The following GRID2 variants were observed in gnomAD, a reference collection of about 807,000 sequenced individuals.
GRID2 encodes the protein glutamate receptor ionotropic, delta-2.
A neutral mutation model predicts 114.8 loss-of-function variants in GRID2; 33 were observed. That is an observed-to-expected ratio of 0.29 (90% CI 0.22 to 0.38). The LOEUF (loss-of-function observed/expected upper bound fraction) is 0.38. Among genes scored for constraint, GRID2 ranks in the 10% least tolerant of loss-of-function variants. The pLI is 1.00. For missense variants in GRID2, 1,184 were observed against 1,257.7 expected, an observed-to-expected ratio of 0.94 and a Z score of 0.89; for synonymous variants, 505 against 449.9, an observed-to-expected ratio of 1.12 and a Z score of -1.55.
intron 2 of GRID2, among the ~76,000 whole-genome samples, chr4:92,812,547 A>C (rs563099303): frequency 6.6e-6 from 1 of 152,218 alleles, no homozygotes; most frequent in South Asian, 2.1e-4. Flanking sequence ...TGTGATTTTA[A>C]ATGTAGTATT....
At chr4:93,629,450 C>T (rs1389869371) in intron 14 of GRID2, among the ~76,000 whole-genome samples, 1 of 152,158 alleles carries the variant, frequency 6.6e-6, no homozygotes, top group Non-Finnish European at 1.5e-5. Flanking sequence ...TAATTTATCA[C>T]CCAAAACCTC....
At chr4:93,043,583 A>C (rs1269170716) in intron 2 of GRID2, among the ~76,000 whole-genome samples, 1 of 152,192 alleles carries the variant, frequency 6.6e-6, no homozygotes, top group Non-Finnish European at 1.5e-5. Context: ...GGTTCACAGA[A>C]CACATAGGTT....
chr4:93,347,927 A>G (rs552021520), intron 8 of GRID2, among the ~76,000 whole-genome samples: 1 of 152,244 alleles, frequency 6.6e-6, no homozygotes, highest in South Asian at 2.1e-4. Context: ...GAAATTTTCT[A>G]ATATCTGTGT....
chr4:92,913,191 T>C (rs1748515745), intron 2 of GRID2, among the ~76,000 whole-genome samples: 1 of 151,870 alleles, frequency 6.6e-6, no homozygotes, highest in Non-Finnish European at 1.5e-5. Context: ...GATAAAAGTT[T>C]TGTGAATATC....
chr4:93,419,310 G>A (rs993114956), intron 9 of GRID2, among the ~76,000 whole-genome samples: 1 of 151,914 alleles, frequency 6.6e-6, no homozygotes, highest in Admixed American at 6.6e-5. Flanking sequence ...CTCAGTGAAT[G>A]TTAAATGGAT....
chr4:92,402,160 A>G (rs1424730311), intron 1 of GRID2, among the ~76,000 whole-genome samples: 4 of 152,070 alleles, frequency 2.6e-5, no homozygotes, highest in Non-Finnish European at 5.9e-5. Context: ...TAAGTCTCCA[A>G]TTCTAATTCT....
At chr4:92,637,230 A>C (rs1016576394) in intron 2 of GRID2, among the ~76,000 whole-genome samples, 2 of 151,954 alleles carry the variant, frequency 1.3e-5, no homozygotes, top group African/African-American at 4.8e-5. Context: ...TTAAATTTAC[A>C]TTTGCTACTT....
At chr4:92,495,845 T>C (rs533066943) in intron 1 of GRID2, among the ~76,000 whole-genome samples, 1 of 151,988 alleles carries the variant, frequency 6.6e-6, no homozygotes, top group East Asian at 1.9e-4. Flanking sequence ...CATCAGAACA[T>C]ATTCCTATGC....
At chr4:92,613,459 T>C (rs1170507803) in intron 2 of GRID2, among the ~76,000 whole-genome samples, 1 of 151,486 alleles carries the variant, frequency 6.6e-6, no homozygotes, top group African/African-American at 2.4e-5. Context: ...TGCCTTTCCC[T>C]TTTGTTTTCT....
chr4:93,771,740 C>T (rs1285903125), intron 15 of GRID2, among the ~76,000 whole-genome samples: 1 of 152,038 alleles, frequency 6.6e-6, no homozygotes, highest in African/African-American at 2.4e-5. Flanking sequence ...TTGCCAAAAC[C>T]ATACTTTCTA....
intron 13 of GRID2, among the ~76,000 whole-genome samples, chr4:93,608,284 TTA>T (rs1216295221): frequency 2.3e-3 from 268 of 114,850 alleles, no homozygotes; most frequent in African/African-American, 7.5e-3. Flanking sequence ...CAACTGAAAA[TTA>T]TTTTTTTTTC....
intron 1 of GRID2, among the ~76,000 whole-genome samples, chr4:92,548,845 C>T (rs563854413): frequency 6.6e-6 from 1 of 152,010 alleles, no homozygotes; most frequent in East Asian, 1.9e-4. Flanking sequence ...CACTACACAT[C>T]GCCAGAGAAG....
At chr4:92,819,714 A>C (rs1741147408) in intron 2 of GRID2, among the ~76,000 whole-genome samples, 1 of 152,182 alleles carries the variant, frequency 6.6e-6, no homozygotes, top group African/African-American at 2.4e-5. Flanking sequence ...CTACGACAGC[A>C]TAGGTGACAA....
intron 2 of GRID2, among the ~76,000 whole-genome samples, chr4:92,631,842 C>G (rs1229071800): frequency 1.3e-5 from 2 of 152,056 alleles, no homozygotes; most frequent in Non-Finnish European, 2.9e-5. Flanking sequence ...GCAAGAGAAA[C>G]TGTTGATAAA....
intron 2 of GRID2, among the ~76,000 whole-genome samples, chr4:92,825,715 T>C (rs574483452): frequency 6.6e-6 from 1 of 152,178 alleles, no homozygotes; most frequent in South Asian, 2.1e-4. Flanking sequence ...ACAGAAACCA[T>C]GTTGTCAAAA....
At chr4:93,519,131 G>C (rs1730094103) in intron 13 of GRID2, among the ~76,000 whole-genome samples, 1 of 152,108 alleles carries the variant, frequency 6.6e-6, no homozygotes, top group African/African-American at 2.4e-5. Context: ...TAAAGTTTGA[G>C]TTGTGCTAAC....
intron 1 of GRID2, among the ~76,000 whole-genome samples, chr4:92,491,143 T>C (rs1723128468): frequency 6.6e-6 from 1 of 152,172 alleles, no homozygotes; most frequent in Non-Finnish European, 1.5e-5. Context: ...ATTAGCCCGA[T>C]AAATATTTGC....
At chr4:93,508,740 A>G (rs919282914) in intron 12 of GRID2, among the ~76,000 whole-genome samples, 2 of 152,204 alleles carry the variant, frequency 1.3e-5, no homozygotes, top group Admixed American at 6.5e-5. Context: ...TTTAAAAATC[A>G]TGGGAACCAG....
chr4:93,790,898 G>T (rs372434916), intron 1 of GRID2, among the ~76,000 whole-genome samples: 205 of 152,184 alleles, frequency 1.3e-3, no homozygotes, highest in African/African-American at 4.9e-3. Flanking sequence ...ATAATAGAAC[G>T]TTTCTCATCA....
Sources: allele counts gnomAD v4.1 joint callset (sites outside exome capture counted in the v4.1 genomes callset), GRCh38; gene constraint gnomAD v4.1.1; transcripts MANE v1.5; gene names NCBI Gene and HGNC (gene_info 2026-07-23, HGNC 2026-07-21).